Variants in ETNK1 observed in about 807,000 individuals in gnomAD.
The protein encoded by ETNK1 is putative protein product of Nbla10396.
ETNK1 carries 8 observed loss-of-function variants against 45.1 expected under a neutral mutation model. The ratio of observed to expected loss-of-function variants is 0.18; its 90% CI spans 0.10 to 0.32. The LOEUF is 0.32. ETNK1 is among the 10% of genes least tolerant of loss of function. ETNK1 has a pLI of 1.00. For synonymous variants in ETNK1, 152 were observed against 151.9 expected, an observed-to-expected ratio of 1.00 and a Z score of -0.01; for missense variants, 302 against 430.6, an observed-to-expected ratio of 0.70 and a Z score of 2.64.
chr12:22,681,323 C>T (rs1954213587), intron 6 of ETNK1, among the ~76,000 whole-genome samples: 1 of 151,686 alleles, frequency 6.6e-6, no homozygotes, highest in African/African-American at 2.4e-5. Context: ...AATATAGTTA[C>T]CATCTCTGCT....
At chr12:22,678,434 T>C (rs1345542928) in intron 6 of ETNK1, among the ~76,000 whole-genome samples, 2 of 152,248 alleles carry the variant, frequency 1.3e-5, no homozygotes, top group African/African-American at 4.8e-5. Context: ...AATGTTCTCT[T>C]GTTGACTTTT....
intron 6 of ETNK1, 97 bp downstream of exon 6, chr12:22,673,757 T>C (rs2137570488): frequency 8.4e-7 from 1 of 1,191,664 alleles, no homozygotes; most frequent in Non-Finnish European, 1.2e-6. Context: ...TTTTAAGTTT[T>C]GTGAATTTTT....
At chr12:22,657,545 C>T (rs1953957506) in intron 2 of ETNK1, among the ~76,000 whole-genome samples, 1 of 151,650 alleles carries the variant, frequency 6.6e-6, no homozygotes, top group African/African-American at 2.4e-5. Flanking sequence ...TAGGACTATC[C>T]ATAATGATAA....
In ETNK1 at chr12:22,625,601, T is replaced by C. The variant is rs145079828; in HGVS notation, c.156+15T>C. 1,443 of 1,563,630 alleles carry C rather than the reference T, an allele frequency of 9.2e-4. 13 individuals are homozygous for C. The African/African-American group carries it at 0.017, about 18-fold the overall frequency. On this transcript the variant is annotated intron_variant, in intron 1 of 7. Transcript: ENST00000266517. ...TGACCCTGCAGGTAACGCCCACACC[T>C]CAGCTCTGGGTCTCTTATGCCCCTC...
intron 1 of ETNK1, among the ~76,000 whole-genome samples, chr12:22,643,294 A>G (rs1038029475): frequency 3.9e-5 from 6 of 152,088 alleles, no homozygotes; most frequent in African/African-American, 1.2e-4. Context: ...AAGGACTTCT[A>G]TAAGTAATGA....
intron 6 of ETNK1, among the ~76,000 whole-genome samples, chr12:22,682,531 T>C (rs1954223613): frequency 6.6e-6 from 1 of 152,178 alleles, no homozygotes; most frequent in Non-Finnish European, 1.5e-5. Flanking sequence ...GTACTTTGGA[T>C]ATGCAGTAGA....
intron 6 of ETNK1, among the ~76,000 whole-genome samples, chr12:22,677,685 G>C (rs1232890189): frequency 6.6e-6 from 1 of 152,094 alleles, no homozygotes; most frequent in Non-Finnish European, 1.5e-5. Context: ...TTATTTCCTT[G>C]ATCAGTGGTT....
chr12:22,629,376 AT>A (rs1378649639), intron 1 of ETNK1, among the ~76,000 whole-genome samples: 8 of 152,014 alleles, frequency 5.3e-5, no homozygotes, highest in Non-Finnish European at 1.0e-4. Context: ...TCTTTTCATC[AT>A]TTTTTTAAGC....
At chr12:22,666,688 A>G (rs1954056525) in intron 4 of ETNK1, among the ~76,000 whole-genome samples, 1 of 152,188 alleles carries the variant, frequency 6.6e-6, no homozygotes, top group South Asian at 2.1e-4. Flanking sequence ...TCAGCACAAT[A>G]CAAGAAGCTG....
At chr12:22,673,929 A>T (rs1035923664) in intron 6 of ETNK1, among the ~76,000 whole-genome samples, 3 of 152,208 alleles carry the variant, frequency 2.0e-5, no homozygotes, top group African/African-American at 7.2e-5. Flanking sequence ...TAATGAGTAG[A>T]TTCTTATCAG....
intron 2 of ETNK1, among the ~76,000 whole-genome samples, chr12:22,655,715 T>A (rs1482549772): frequency 6.6e-6 from 1 of 151,030 alleles, no homozygotes; most frequent in Non-Finnish European, 1.5e-5. Context: ...TAGATCAAAT[T>A]TTTTGTAGAT....
At chr12:22,664,457 A>G (rs1208912682) in intron 4 of ETNK1, among the ~76,000 whole-genome samples, 1 of 152,140 alleles carries the variant, frequency 6.6e-6, no homozygotes, top group South Asian at 2.1e-4. Context: ...GGGTATATGT[A>G]TAAGTAACAT....
intron 2 of ETNK1, among the ~76,000 whole-genome samples, chr12:22,655,247 C>T (rs942301853): frequency 2.6e-5 from 4 of 151,672 alleles, no homozygotes; most frequent in African/African-American, 9.7e-5. Context: ...GGATTACAGG[C>T]GTGAGCCACT....
intron 2 of ETNK1, chr12:22,656,929 ATCTT>A (rs1321776442): frequency 7.6e-6 from 4 of 528,720 alleles, no homozygotes; most frequent in South Asian, 1.6e-4. Flanking sequence ...CACAGATTGT[ATCTT>A]TCTTCAAGCT....
At chr12:22,683,140 A>G (rs1338015448) in intron 6 of ETNK1, among the ~76,000 whole-genome samples, 1 of 152,198 alleles carries the variant, frequency 6.6e-6, no homozygotes, top group Non-Finnish European at 1.5e-5. Flanking sequence ...GCCACACGCC[A>G]GAGCCCAGCT....
rs1233650781 is a variant in ETNK1, at chr12:22,688,323, G to A, written c.*3369G>A. ...AGACAGAAAAGACTTAAGTAATCTT[G>A]TAATGACAATTATTTCCATTTTTGC... is the stretch of plus-strand genomic sequence containing the variant. On this transcript the variant is annotated 3_prime_UTR_variant, in exon 8 of 8. Transcript: ENST00000266517. 6.6e-6 allele frequency: 1 copy of A among 151,678 alleles called. No homozygotes were observed. The highest frequency in any genetic ancestry group is 6.6e-5 in the Admixed American group (1 of 15,234). 9.4% of individuals were successfully genotyped at this position (151,678 alleles called of 1,614,324 possible).
At chr12:22,649,637 CAGGT>C (rs1953850170) in intron 2 of ETNK1, among the ~76,000 whole-genome samples, 1 of 152,052 alleles carries the variant, frequency 6.6e-6, no homozygotes, top group South Asian at 2.1e-4. Context: ...GTCTTGAAAT[CAGGT>C]AGTGTTAGTC....
intron 2 of ETNK1, chr12:22,656,912 C>A: frequency 1.6e-6 from 1 of 611,176 alleles, no homozygotes; most frequent in Non-Finnish European, 2.0e-6. Context: ...CCTTGTGTTT[C>A]ATGTAACACA....
At chr12:22,660,203 G>A (rs1036933642) in intron 3 of ETNK1, among the ~76,000 whole-genome samples, 3 of 152,036 alleles carry the variant, frequency 2.0e-5, no homozygotes, top group African/African-American at 7.2e-5. Context: ...AAAAGAATCT[G>A]TATTATACTG....
Sources: gnomAD v4.1 joint callset for allele counts (sites outside exome capture counted in the v4.1 genomes callset) on GRCh38, gnomAD v4.1.1 for gene constraint, MANE v1.5 for transcripts, NCBI Gene and HGNC (gene_info 2026-07-23, HGNC 2026-07-21) for gene names.